The following SEMA4G variants were observed in gnomAD, a reference collection of about 807,000 sequenced individuals.
SEMA4G encodes semaphorin 4G.
In SEMA4G, 59 loss-of-function variants were observed where a neutral mutation model predicts 81.2. The ratio of observed to expected loss-of-function variants is 0.73; its 90% CI spans 0.59 to 0.90. The LOEUF (loss-of-function observed/expected upper bound fraction) is 0.90. SEMA4G is among the 40% of genes least tolerant of loss of function. SEMA4G has a pLI of 0.00. For missense variants in SEMA4G, 952 were observed against 1,102.3 expected, an observed-to-expected ratio of 0.86 and a Z score of 1.93; for synonymous variants, 404 against 433.9, an observed-to-expected ratio of 0.93 and a Z score of 0.86.
chr10:100,981,213 G>C, exon 13 of SEMA4G: 1 of 1,614,228 alleles, frequency 6.2e-7, no homozygotes. Flanking sequence ...GAGGCTGTGA[G>C]AGCAGCAGGG....
At chr10:100,975,282 C>T (rs896789368) in intron 3 of SEMA4G, among the ~76,000 whole-genome samples, 1 of 152,316 alleles carries the variant, frequency 6.6e-6, no homozygotes, top group African/African-American at 2.4e-5. Context: ...CAAGAGTCTG[C>T]AATTCTAACA....
At chr10:100,972,728 C>T in exon 1 of SEMA4G, 1 of 554,738 alleles carries the variant, frequency 1.8e-6, no homozygotes, top group Non-Finnish European at 3.1e-6. Flanking sequence ...GACTCCATGT[C>T]CCCCCGATTC....
chr10:100,979,789 G>GT, intron 8 of SEMA4G, 59 bp from the exon 10 acceptor site: 1 of 1,597,064 alleles, frequency 6.3e-7, no homozygotes, highest in Non-Finnish European at 8.5e-7. Context: ...CTGAGCACGA[G>GT]TTGGGGGGCA....
chr10:100,980,513 C>T, intron 10 of SEMA4G, 65 bp from the exon 12 acceptor site: 3 of 1,468,174 alleles, frequency 2.0e-6, no homozygotes, highest in South Asian at 1.1e-5. Context: ...CGTATTAGGC[C>T]TCTTGCAGGG....
exon 14 of SEMA4G, chr10:100,984,065 C>A (rs1851290768): frequency 2.5e-6 from 4 of 1,613,632 alleles, no homozygotes; most frequent in Non-Finnish European, 3.4e-6. Flanking sequence ...CCGAGGAACT[C>A]AGCCGCATCC....
chr10:100,976,106 A>C (rs1478470910), intron 3 of SEMA4G, among the ~76,000 whole-genome samples: 1 of 152,014 alleles, frequency 6.6e-6, no homozygotes, highest in Non-Finnish European at 1.5e-5. Flanking sequence ...GGCTTGTACC[A>C]GGTGAGGGAG....
rs375760083 is a variant in SEMA4G, at chr10:100,983,818, C to T, written c.2204C>T (p.Pro735Leu). 22 of 1,602,042 alleles carry T rather than the reference C, an allele frequency of 1.4e-5. No individual in the cohort carries two copies. The African/African-American group carries it at 2.9e-4, about 21-fold the overall frequency. The change falls in exon 14 of 14, where the codon CCT becomes CTT. Residue 735 changes from proline (P) to leucine (L), a missense_variant. Around this residue, in one of 3 missense-constraint regions of SEMA4G, gnomAD observed 385 missense variants for 413.5 expected, o/e 0.93. Transcript: ENST00000370250. Reference sequence around the variant, plus strand: ...CTGCAGACAGTCTCAGGCCAGTGTCCTGGAGAGGAAGATGAGGGTGATGAT... The same window carrying T: ...CTGCAGACAGTCTCAGGCCAGTGTCTTGGAGAGGAAGATGAGGGTGATGAT...
chr10:100,983,619 C>A (rs769068051), exon 14 of SEMA4G: 1 of 1,614,100 alleles, frequency 6.2e-7, no homozygotes, highest in Non-Finnish European at 8.5e-7. Flanking sequence ...TGGGGCACAG[C>A]TGGCACCTGA....
intron 3 of SEMA4G, among the ~76,000 whole-genome samples, chr10:100,975,714 G>A (rs746456296): frequency 4.6e-5 from 7 of 151,940 alleles, no homozygotes; most frequent in Non-Finnish European, 5.9e-5. Context: ...AAATTAGCCC[G>A]GCATGGTGAT....
At chr10:100,974,153 G>A (rs1196787937) in intron 3 of SEMA4G, among the ~76,000 whole-genome samples, 1 of 151,910 alleles carries the variant, frequency 6.6e-6, no homozygotes, top group Non-Finnish European at 1.5e-5. Flanking sequence ...TCTCCTCTGG[G>A]ATCCCAAATA....
upstream of SEMA4G, chr10:100,969,654 C>T (rs1039945766): frequency 2.9e-4 from 93 of 325,872 alleles, no homozygotes; most frequent in South Asian, 1.9e-3. Context: ...GGCCGGGGGT[C>T]GGGCAAGGCC....
At chr10:100,983,565 C>T (rs781268916) in exon 14 of SEMA4G, 12 of 1,613,636 alleles carry the variant, frequency 7.4e-6, no homozygotes, top group Middle Eastern at 1.6e-4. Flanking sequence ...TCTCACAGTC[C>T]GGCCAGCCAC....
rs188575139 is a variant in SEMA4G at position 100,982,921 on chromosome 10, G to A, written c.1691-384G>A. On this transcript the variant is annotated intron_variant, in intron 13 of 13. Coordinates refer to ENST00000370250, the Ensembl canonical transcript of SEMA4G. ...CGATTCAAGGAAAGGACTTGGTGTC[G>A]TTGGGGAGAAAAGCTTTGGTTTTGA... Among the ~76,000 whole-genome samples, 7 of 152,376 alleles carry A rather than the reference G, an allele frequency of 4.6e-5. No homozygotes were observed. In the East Asian group the frequency reaches 5.8e-4, roughly 13 times the overall value.
Position 100,978,282 on chromosome 10 carries a change from C to T in SEMA4G, c.436-13C>T. ...TCTTCGGAACCACTTACTGCTGGTTCCTTGTTCCCTAGGATGCTGAGGCCT... is the reference window on the plus strand; with the variant it reads ...TCTTCGGAACCACTTACTGCTGGTTTCTTGTTCCCTAGGATGCTGAGGCCT... On this transcript the variant is annotated splice_polypyrimidine_tract_variant and intron_variant, in intron 4 of 13. Coordinates refer to ENST00000370250, the Ensembl canonical transcript of SEMA4G. 6.8e-6 allele frequency: 11 copies of T among 1,606,776 alleles called. No individual in the cohort carries two copies. The highest frequency in any genetic ancestry group is 9.4e-6 in the Non-Finnish European group (11 of 1,175,414).
chr10:100,984,042 C>A (rs1590001329), exon 14 of SEMA4G: 1 of 1,613,632 alleles, frequency 6.2e-7, no homozygotes, highest in Non-Finnish European at 8.5e-7. Flanking sequence ...ACCAGCAGGG[C>A]CCTGCTCCTT....
chr10:100,981,090 T>C, intron 12 of SEMA4G, 78 bp from the exon 14 acceptor site: 3 of 1,607,116 alleles, frequency 1.9e-6, no homozygotes, highest in South Asian at 1.1e-5. Flanking sequence ...TAGTTATTAG[T>C]AACAGACCTA....
chr10:100,978,243 A>G, intron 4 of SEMA4G, 52 bp from the exon 6 acceptor site: 2 of 1,406,714 alleles, frequency 1.4e-6, no homozygotes, highest in Non-Finnish European at 1.0e-6. Context: ...ACTTTGAGCC[A>G]CTGTCCCTGC....
Position 100,983,300 on chromosome 10 carries a change from C to T in SEMA4G, c.1691-5C>T, listed in dbSNP as rs1045125839. The T allele has an allele frequency of 3.9e-6, 6 of 1,525,076 alleles. No homozygotes were observed. In the East Asian group the frequency reaches 1.2e-4, roughly 30 times the overall value. 94.5% of individuals were successfully genotyped at this position (1,525,076 alleles called of 1,614,324 possible). ...TGGTACTGACCTCTCCCCCAAACCC[C>T]ACAGGGCCACCACCACCACTGAAGA... On this transcript the variant is annotated splice_polypyrimidine_tract_variant and splice_region_variant and intron_variant, in intron 13 of 13. Transcript: ENST00000370250.
intron 5 of SEMA4G, 61 bp from the exon 7 acceptor site, chr10:100,978,466 A>T (rs927520643): frequency 2.5e-6 from 4 of 1,594,798 alleles, no homozygotes; most frequent in Non-Finnish European, 3.4e-6. Context: ...GCCACCATGT[A>T]TATGTCATGT....
Sources: gnomAD v4.1 joint callset for allele counts (sites outside exome capture counted in the v4.1 genomes callset) on GRCh38, gnomAD v4.1.1 for gene constraint, gnomAD v4.1.1 regional missense constraint, MANE v1.5 for transcripts, NCBI Gene and HGNC (gene_info 2026-07-23, HGNC 2026-07-21) for gene names.